The following FRMD4A variants were observed in gnomAD, a reference collection of about 807,000 sequenced individuals.
The protein encoded by FRMD4A is FERM domain-containing protein 4A.
A neutral mutation model predicts 129.1 loss-of-function variants in FRMD4A; 29 were observed. That is an observed-to-expected ratio of 0.22 (90% CI 0.17 to 0.31). The LOEUF (loss-of-function observed/expected upper bound fraction) is 0.31. Among genes scored for constraint, FRMD4A ranks in the 10% least tolerant of loss-of-function variants. FRMD4A has a pLI of 1.00. For missense variants in FRMD4A, 1,272 were observed against 1,375.8 expected (o/e 0.92, Z 1.19); for synonymous variants, 634 against 571.6 (o/e 1.11, Z -1.56).
intron 2 of FRMD4A, among the ~76,000 whole-genome samples, chr10:14,318,140 C>A (rs1042433310): frequency 6.6e-6 from 1 of 152,128 alleles, no homozygotes; most frequent in African/African-American, 2.4e-5. Context: ...GTAAAGCATT[C>A]CTGAACAATA....
chr10:13,702,915 A>G (rs1197709175), intron 13 of FRMD4A, among the ~76,000 whole-genome samples: 1 of 2,356 alleles, frequency 4.2e-4, no homozygotes, highest in Admixed American at 5.4e-3. Flanking sequence ...AAGTGAAGGA[A>G]AAAAAAAAAA....
intron 12 of FRMD4A, among the ~76,000 whole-genome samples, chr10:13,715,111 T>A (rs1173172593): frequency 6.6e-6 from 1 of 152,172 alleles, no homozygotes; most frequent in Non-Finnish European, 1.5e-5. Flanking sequence ...TGCTTTTGTC[T>A]CAAATAATCA....
At chr10:13,731,456 C>T (rs1201178562) in intron 12 of FRMD4A, among the ~76,000 whole-genome samples, 1 of 152,156 alleles carries the variant, frequency 6.6e-6, no homozygotes, top group Non-Finnish European at 1.5e-5. Flanking sequence ...CAAGACCAAC[C>T]TGGCCAACAT....
chr10:13,780,365 C>A (rs538985842), intron 6 of FRMD4A, among the ~76,000 whole-genome samples: 3 of 151,806 alleles, frequency 2.0e-5, no homozygotes, highest in Non-Finnish European at 4.4e-5. Flanking sequence ...CAGTTCCTAA[C>A]CTCAGTGATA....
intron 2 of FRMD4A, among the ~76,000 whole-genome samples, chr10:13,962,975 TG>T (rs1300027358): frequency 2.0e-5 from 3 of 152,240 alleles, no homozygotes; most frequent in African/African-American, 7.2e-5. Flanking sequence ...GCTGTTAGGT[TG>T]TTTGCAAATA....
intron 8 of FRMD4A, among the ~76,000 whole-genome samples, chr10:13,760,728 G>A (rs372895247): frequency 5.3e-4 from 80 of 152,218 alleles, no homozygotes; most frequent in Admixed American, 1.2e-3. Context: ...GCAGAGGTAC[G>A]ATCTGTGTTT....
At chr10:13,672,336 A>C (rs2083579013) in intron 16 of FRMD4A, among the ~76,000 whole-genome samples, 1 of 152,106 alleles carries the variant, frequency 6.6e-6, no homozygotes, top group East Asian at 1.9e-4. Flanking sequence ...AAAGTAGTTA[A>C]GTGTTTATTC....
intron 2 of FRMD4A, among the ~76,000 whole-genome samples, chr10:13,897,122 G>A (rs1032994092): frequency 6.6e-6 from 1 of 152,206 alleles, no homozygotes; most frequent in African/African-American, 2.4e-5. Context: ...CTGCTTCGCT[G>A]ACCAGCCCTA....
chr10:14,298,671 T>C (rs1392646053), intron 2 of FRMD4A, among the ~76,000 whole-genome samples: 1 of 152,184 alleles, frequency 6.6e-6, no homozygotes, highest in Non-Finnish European at 1.5e-5. Context: ...TTTTTGACCT[T>C]GGGATCAACA....
intron 24 of FRMD4A, among the ~76,000 whole-genome samples, chr10:13,650,006 A>AGAATCTGT: frequency 6.6e-6 from 1 of 152,266 alleles, no homozygotes; most frequent in East Asian, 1.9e-4. Context: ...TGGTGACTTC[A>AGAATCTGT]GAATCTGTGG....
At chr10:13,914,962 T>C (rs560617585) in intron 2 of FRMD4A, among the ~76,000 whole-genome samples, 79 of 152,218 alleles carry the variant, frequency 5.2e-4, no homozygotes, top group African/African-American at 1.8e-3. Flanking sequence ...TGCAGTGAGC[T>C]AGGAATGCAC....
At chr10:14,191,898 G>A (rs896225382) in intron 2 of FRMD4A, among the ~76,000 whole-genome samples, 7 of 146,540 alleles carry the variant, frequency 4.8e-5, no homozygotes, top group Non-Finnish European at 1.0e-4. Flanking sequence ...CTTCATTCTT[G>A]CTTCCTGTTT....
chr10:14,251,602 G>A (rs1265379511), intron 2 of FRMD4A, among the ~76,000 whole-genome samples: 2 of 152,196 alleles, frequency 1.3e-5, no homozygotes, highest in South Asian at 4.1e-4. Flanking sequence ...AATATGTGAG[G>A]CATAAACAGA....
intron 9 of FRMD4A, among the ~76,000 whole-genome samples, chr10:13,742,954 T>A (rs548425815): frequency 6.6e-6 from 1 of 152,246 alleles, no homozygotes; most frequent in Non-Finnish European, 1.5e-5. Flanking sequence ...GGGTAATTTA[T>A]TTCTCTTCCA....
At chr10:14,169,858 T>C (rs926785282) in intron 2 of FRMD4A, among the ~76,000 whole-genome samples, 2 of 152,178 alleles carry the variant, frequency 1.3e-5, no homozygotes, top group African/African-American at 4.8e-5. Flanking sequence ...ATTTAGTGTA[T>C]TTGCAAGTAA....
At chr10:13,703,807 C>T (rs2087114029) in intron 13 of FRMD4A, among the ~76,000 whole-genome samples, 1 of 152,130 alleles carries the variant, frequency 6.6e-6, no homozygotes, top group Non-Finnish European at 1.5e-5. Flanking sequence ...GAGATTGAGA[C>T]CATCCTGGCC....
At position 14,080,903 on chromosome 10, in the gene FRMD4A, C is replaced by T. The variant is rs549261157; in HGVS notation, c.46-221991G>A. ...GACAGGCTTCAAGAAAAGAAAGGCA[C>T]TCTGTTTTGCAGTGGGGAGCACTCT... is the stretch of plus-strand genomic sequence containing the variant. On this transcript the variant is annotated intron_variant, in intron 2 of 24. Coordinates refer to ENST00000357447, the MANE Select transcript of FRMD4A (RefSeq NM_018027.5). Among the ~76,000 whole-genome samples, 4 of 151,808 alleles carry T rather than the reference C, an allele frequency of 2.6e-5. No homozygotes were observed. In the South Asian group the frequency reaches 8.3e-4, roughly 32 times the overall value.
rs1174100383 is a variant in FRMD4A at position 13,734,831 on chromosome 10, CTTCTTTTTCTATTTATTTATTTATTTAT to C, written c.759+2985_759+3012del. Reference sequence around the variant, plus strand: ...AGGTATGCAATAACTTTTTTTTCTTCTTCTTTTTCTATTTATTTATTTATTTATTTATTTATTTATTTATTTATTTATT... The same window carrying C: ...AGGTATGCAATAACTTTTTTTTCTTCTTATTTATTTATTTATTTATTTATT... On this transcript the variant is annotated intron_variant, in intron 12 of 24. Transcript: ENST00000357447. Among the ~76,000 whole-genome samples the C allele has an allele frequency of 3.4e-4, 51 of 150,020 alleles. No homozygotes were observed. The South Asian group carries it at 9.4e-3, about 28-fold the overall frequency.
intron 2 of FRMD4A, among the ~76,000 whole-genome samples, chr10:14,236,151 T>C (rs1321302828): frequency 9.2e-5 from 14 of 152,254 alleles, no homozygotes; most frequent in Non-Finnish European, 1.9e-4. Flanking sequence ...TTCAACTTGA[T>C]GGCAAAAGAC....
Sources: gnomAD v4.1 joint callset for allele counts (sites outside exome capture counted in the v4.1 genomes callset) on GRCh38, gnomAD v4.1.1 for gene constraint, MANE v1.5 for transcripts, NCBI Gene and HGNC (gene_info 2026-07-23, HGNC 2026-07-21) for gene names.